Variants in AGAP1 observed in about 807,000 individuals in gnomAD.
The protein encoded by AGAP1 is ArfGAP with GTPase domain, ankyrin repeat and PH domain 1.
Under a neutral mutation model 105.3 loss-of-function variants are expected in AGAP1, and 29 were observed. The observed-to-expected ratio is 0.28, with a 90% CI of 0.21 to 0.38. The LOEUF (loss-of-function observed/expected upper bound fraction) is 0.38, where lower values mean the gene tolerates loss of function less well. AGAP1 is among the 10% of genes least tolerant of loss of function. The pLI, the probability that AGAP1 is intolerant of heterozygous loss-of-function variation, is 1.00. For missense variants in AGAP1, 998 were observed against 1,165.1 expected, an observed-to-expected ratio of 0.86 and a Z score of 2.09; for synonymous variants, 509 against 485.9, an observed-to-expected ratio of 1.05 and a Z score of -0.63.
At position 235,872,938 on chromosome 2, in the gene AGAP1, G is replaced by A. The variant is rs552264236; in HGVS notation, c.1051-10407G>A. On this transcript the variant is annotated intron_variant, in intron 9 of 17. Transcript: ENST00000304032. This position sits in a 1 kb window ranked among gnomAD's most constrained non-coding sequence, Gnocchi z 4.5. ...GACCTCTCAATGGGGCTTTTGTGGT[G>A]GCTCCACGGTCCCTGAAAGTCCCCA... Among the ~76,000 whole-genome samples the A allele has an allele frequency of 2.6e-5, 4 of 152,018 alleles. No individual in the cohort carries two copies. The highest frequency in any genetic ancestry group is 9.7e-5 in the African/African-American group (4 of 41,292).
intron 9 of AGAP1, among the ~76,000 whole-genome samples, chr2:235,844,388 G>A (rs963914227): frequency 1.3e-5 from 2 of 152,192 alleles, no homozygotes; most frequent in Admixed American, 6.5e-5. Context: ...CAGTGGCCTC[G>A]TGTTCCCGGA....
In AGAP1 at chr2:236,080,991, G is replaced by T. The variant is rs2058765923; in HGVS notation, c.2114+31710G>T. Among the ~76,000 whole-genome samples, 1 of 152,166 alleles carries T rather than the reference G, an allele frequency of 6.6e-6. No individual in the cohort carries two copies. The highest frequency in any genetic ancestry group is 2.1e-4 in the South Asian group (1 of 4,824). On this transcript the variant is annotated intron_variant, in intron 16 of 17. Coordinates refer to ENST00000304032, the MANE Select transcript of AGAP1 (RefSeq NM_001037131.3). This position sits in a 1 kb window ranked among gnomAD's most constrained non-coding sequence, Gnocchi z 4.2. The stretch of plus-strand genomic sequence containing the variant: ...TGCCATGTAAGGTCACATAGTCACA[G>T]GTCCTGGGGATTAGGACGTTGACAT...
intron 13 of AGAP1, among the ~76,000 whole-genome samples, chr2:235,987,506 ATTTTT>A (rs3030714): frequency 1.5e-4 from 18 of 120,232 alleles, no homozygotes; most frequent in African/African-American, 5.0e-4. Context: ...GGATTCATTG[ATTTTT>A]TTTTTTTTTT....
At chr2:235,949,167 G>A (rs73996647) in intron 12 of AGAP1, among the ~76,000 whole-genome samples, 11 of 152,110 alleles carry the variant, frequency 7.2e-5, no homozygotes, top group Non-Finnish European at 1.3e-4. Context: ...ATACAGGAAG[G>A]CCCCTTCTTT....
At chr2:235,508,814 C>T (rs1050879812) in intron 1 of AGAP1, among the ~76,000 whole-genome samples, 2 of 152,224 alleles carry the variant, frequency 1.3e-5, no homozygotes, top group Non-Finnish European at 2.9e-5. Flanking sequence ...ATAGAAGTTA[C>T]TTTCCCCCTG....
chr2:235,835,161 C>T (rs568388385), intron 9 of AGAP1, among the ~76,000 whole-genome samples: 4 of 152,326 alleles, frequency 2.6e-5, no homozygotes, highest in East Asian at 3.9e-4. Flanking sequence ...GCGTTTCCCA[C>T]GCTGAGCTCA....
At chr2:235,876,563 G>A (rs4663623) in intron 9 of AGAP1, among the ~76,000 whole-genome samples, 1 of 151,962 alleles carries the variant, frequency 6.6e-6, no homozygotes, top group Non-Finnish European at 1.5e-5. Context: ...CAGCCCCCCA[G>A]TGCTGTGTGG....
chr2:235,670,725 A>G, intron 1 of AGAP1: 2 of 834,746 alleles, frequency 2.4e-6, no homozygotes, highest in Non-Finnish European at 3.8e-6. Context: ...GAGAAGCGCA[A>G]CACCCTGGAC....
In AGAP1 at chr2:235,882,413, G is replaced by A; in HGVS notation, c.1051-932G>A. 4 of 1,583,360 alleles carry A rather than the reference G, an allele frequency of 2.5e-6. No individual in the cohort carries two copies. Among genetic ancestry groups the A allele is most frequent in the Admixed American group, 1.7e-5 (1 of 59,164 alleles). ...CAGTGGTCTCTTTGGTCGGCAGGGT[G>A]TTCTTCTCCTGCGTCTCCGTTTTCT... On this transcript the variant is annotated intron_variant, in intron 9 of 17. Coordinates refer to ENST00000304032, the MANE Select transcript of AGAP1 (RefSeq NM_001037131.3). The surrounding 1 kb of genome is among the most constrained non-coding windows in gnomAD (Gnocchi z 4.6).
At position 235,614,033 on chromosome 2, in the gene AGAP1, T is replaced by C. The variant is rs1164748319; in HGVS notation, c.164-95146T>C. Among the ~76,000 whole-genome samples, 1 of 151,872 alleles carries C rather than the reference T, an allele frequency of 6.6e-6. No individual in the cohort carries two copies. Among genetic ancestry groups the C allele is most frequent in the Non-Finnish European group, 1.5e-5 (1 of 67,978 alleles). ...GTTTTTTTTTTTTCCCCCTTTTGTG[T>C]GTTTTGGCCAAATACTCAAAAGCAC... On this transcript the variant is annotated intron_variant, in intron 1 of 17. Coordinates refer to ENST00000304032, the MANE Select transcript of AGAP1 (RefSeq NM_001037131.3). The surrounding 1 kb of genome is among the most constrained non-coding windows in gnomAD (Gnocchi z 4.7).
At chr2:235,807,857 G>C (rs981613688) in intron 9 of AGAP1, among the ~76,000 whole-genome samples, 9 of 152,134 alleles carry the variant, frequency 5.9e-5, no homozygotes, top group African/African-American at 2.2e-4. Context: ...CTTTGATTAG[G>C]TTCGGTTTCA....
rs1263183257 is a variant in AGAP1 at position 235,750,635 on chromosome 2, G to C, written c.673+147G>C. On this transcript the variant is annotated intron_variant, in intron 6 of 17. Transcript: ENST00000304032. This position sits in a 1 kb window ranked among gnomAD's most constrained non-coding sequence, Gnocchi z 5.3. The stretch of plus-strand genomic sequence containing the variant: ...TTAGTATCGAGAGCAGTCCATTCCA[G>C]AGGCAATTCTCAGGTATGTTTCATA... The C allele has an allele frequency of 8.4e-7, 1 of 1,190,522 alleles. No homozygotes were observed. The highest frequency in any genetic ancestry group is 1.2e-6 in the Non-Finnish European group (1 of 831,784). The allele number at this position is 1,190,522 out of a possible 1,614,324, so 73.7% of individuals were successfully genotyped here.
intron 11 of AGAP1, among the ~76,000 whole-genome samples, chr2:235,918,239 A>T (rs188722086): frequency 1.8e-4 from 28 of 152,336 alleles, no homozygotes; most frequent in Non-Finnish European, 3.2e-4. Flanking sequence ...CCCTTCTAGC[A>T]CCTTGGTAGA....
Position 236,040,712 on chromosome 2 carries a change from G to A in AGAP1, c.1801-39G>A. 1 of 1,603,296 alleles carries A rather than the reference G, an allele frequency of 6.2e-7. No individual in the cohort carries two copies. The highest frequency in any genetic ancestry group is 1.1e-5 in the South Asian group (1 of 90,696). ...ATCAGTGATGTGCGTTTCTCCCGGG[G>A]TGCTTACGCCTTGTATTTGTGTCTT... is the stretch of plus-strand genomic sequence containing the variant. On this transcript the variant is annotated intron_variant, in intron 14 of 17. Coordinates refer to ENST00000304032, the MANE Select transcript of AGAP1 (RefSeq NM_001037131.3). This position sits in a 1 kb window ranked among gnomAD's most constrained non-coding sequence, Gnocchi z 5.6.
rs1183640237 is a variant in AGAP1, at chr2:235,660,379, C to A, written c.164-48800C>A. On this transcript the variant is annotated intron_variant, in intron 1 of 17. Transcript: ENST00000304032. The surrounding 1 kb of genome is among the most constrained non-coding windows in gnomAD (Gnocchi z 5.3). The stretch of plus-strand genomic sequence containing the variant: ...TAACATGACTGAGGCATTACCTGCA[C>A]TGATTAAGTCAACCATCAAGCAGCA... Among the ~76,000 whole-genome samples the A allele has an allele frequency of 1.3e-5, 2 of 152,122 alleles. No individual in the cohort carries two copies. The highest frequency in any genetic ancestry group is 4.8e-5 in the African/African-American group (2 of 41,434).
rs552107837 is a variant in AGAP1, at chr2:235,964,488, G to A, written c.1484-3974G>A. Among the ~76,000 whole-genome samples, 31 of 152,088 alleles carry A rather than the reference G, an allele frequency of 2.0e-4. No individual in the cohort carries two copies. Among genetic ancestry groups the A allele is most frequent in the African/African-American group, 7.5e-4 (31 of 41,472 alleles). Reference sequence around the variant, plus strand: ...GGGATGGTAAAGACTTGGGAACCCTGGGCAGAAAATATTTAAAATGAGCAA... The same window carrying A: ...GGGATGGTAAAGACTTGGGAACCCTAGGCAGAAAATATTTAAAATGAGCAA... On this transcript the variant is annotated intron_variant, in intron 12 of 17. Transcript: ENST00000304032. The surrounding 1 kb of genome is among the most constrained non-coding windows in gnomAD (Gnocchi z 4.6).
At position 235,753,911 on chromosome 2, in the gene AGAP1, T is replaced by C. The variant is rs924899274; in HGVS notation, c.673+3423T>C. On this transcript the variant is annotated intron_variant, in intron 6 of 17. Transcript: ENST00000304032. This position sits in a 1 kb window ranked among gnomAD's most constrained non-coding sequence, Gnocchi z 4.5. ...ATTTGTATATGTATTTTCATGTAAA[T>C]CACAAACACTCTCATTGTTAGTGAG... Among the ~76,000 whole-genome samples, 6 of 152,206 alleles carry C rather than the reference T, an allele frequency of 3.9e-5. No homozygotes were observed. Among genetic ancestry groups the C allele is most frequent in the African/African-American group, 9.7e-5 (4 of 41,440 alleles).
At chr2:236,102,218 C>G (rs895388712) in intron 16 of AGAP1, among the ~76,000 whole-genome samples, 2 of 152,048 alleles carry the variant, frequency 1.3e-5, no homozygotes, top group Non-Finnish European at 2.9e-5. Flanking sequence ...GAGATCGAGA[C>G]CATCCTGGCT....
rs75299445 is a variant in AGAP1 at position 235,869,135 on chromosome 2, T to G, written c.1051-14210T>G. The stretch of plus-strand genomic sequence containing the variant: ...CTTTACAAACAAGTTAAAATTTGTC[T>G]GGTGGGTGAAATGGTTTGCAGGGAG... On this transcript the variant is annotated intron_variant, in intron 9 of 17. Transcript: ENST00000304032. Among the ~76,000 whole-genome samples the G allele has an allele frequency of 5.3e-3, 802 of 152,220 alleles. 4 individuals carry two copies. Among genetic ancestry groups the G allele is most frequent in the African/African-American group, 0.019 (777 of 41,538 alleles).
Sources: gnomAD v4.1 joint callset for allele counts (sites outside exome capture counted in the v4.1 genomes callset) on GRCh38, gnomAD v4.1.1 for gene constraint, Gnocchi (gnomAD v3.1) non-coding constraint, MANE v1.5 for transcripts, NCBI Gene and HGNC (gene_info 2026-07-23, HGNC 2026-07-21) for gene names.